Variants in IL1RAPL2 observed in about 807,000 individuals in gnomAD.
IL1RAPL2 encodes interleukin 1 receptor accessory protein like 2, also known as X-linked interleukin-1 receptor accessory protein-like 2.
Under a neutral mutation model 44.1 loss-of-function variants are expected in IL1RAPL2, and 3 were observed. The observed-to-expected ratio is 0.07, with a 90% CI of 0.03 to 0.18. The LOEUF is 0.18. Ranked by LOEUF, IL1RAPL2 falls within the 10% of genes least tolerant of loss-of-function variation. The pLI, the probability that IL1RAPL2 is intolerant of heterozygous loss-of-function variation, is 1.00. For synonymous variants in IL1RAPL2, 181 were observed against 178.8 expected, an observed-to-expected ratio of 1.01 and a Z score of -0.10; for missense variants, 391 against 496.4, an observed-to-expected ratio of 0.79 and a Z score of 2.02.
At chrX:105,451,320 G>A (rs1017860516) in intron 5 of IL1RAPL2, among the ~76,000 whole-genome samples, 27 of 111,048 alleles carry the variant, frequency 2.4e-4, no homozygotes, top group Non-Finnish European at 4.5e-4. Flanking sequence ...CTTTTCTAAT[G>A]GCCTGCTTAG....
At chrX:104,898,513 G>A (rs1923718271) in intron 2 of IL1RAPL2, among the ~76,000 whole-genome samples, 1 of 112,471 alleles carries the variant, frequency 8.9e-6, no homozygotes, top group South Asian at 3.6e-4. Context: ...AAAGGCTGGG[G>A]TTAACCTTTT....
At chrX:104,920,538 TC>T (rs1190342549) in intron 2 of IL1RAPL2, among the ~76,000 whole-genome samples, 1 of 97,951 alleles carries the variant, frequency 1.0e-5, no homozygotes, top group Non-Finnish European at 2.1e-5. Context: ...TCCCCTCCCC[TC>T]TCTTGCTCCT....
chrX:104,986,861 C>T (rs1206577801), intron 2 of IL1RAPL2, among the ~76,000 whole-genome samples: 1 of 112,156 alleles, frequency 8.9e-6, no homozygotes, highest in Non-Finnish European at 1.9e-5. Context: ...TCTTTAAGTC[C>T]TGTCCTGATT....
At chrX:104,644,789 ATC>A (rs887831978) in intron 1 of IL1RAPL2, among the ~76,000 whole-genome samples, 28 of 110,203 alleles carry the variant, frequency 2.5e-4, no homozygotes, top group African/African-American at 7.6e-4. Context: ...TGCTTACCCT[ATC>A]TCTCTCTTTC....
intron 2 of IL1RAPL2, among the ~76,000 whole-genome samples, chrX:104,778,353 C>T (rs1015610215): frequency 1.8e-5 from 2 of 110,690 alleles, no homozygotes; most frequent in African/African-American, 6.6e-5. Flanking sequence ...TCGAGCAGAT[C>T]TCTGATTCAT....
chrX:105,356,556 G>A (rs2035204744), intron 5 of IL1RAPL2, among the ~76,000 whole-genome samples: 1 of 111,583 alleles, frequency 9.0e-6, no homozygotes, highest in Admixed American at 9.6e-5. Flanking sequence ...TAAAAGGTGA[G>A]CAAAACATCA....
intron 5 of IL1RAPL2, among the ~76,000 whole-genome samples, chrX:105,349,410 C>A (rs778254237): frequency 1.8e-5 from 2 of 111,862 alleles, no homozygotes; most frequent in South Asian, 3.7e-4. Flanking sequence ...AAGGCAATTT[C>A]TGGGGAATAT....
intron 2 of IL1RAPL2, among the ~76,000 whole-genome samples, chrX:105,116,503 G>GCTTTGGCTTGTATGGCTTGGCAGCCA (rs772065998): frequency 0.085 from 9,427 of 110,703 alleles, 1,009 homozygotes; most frequent in African/African-American, 0.29. Flanking sequence ...GATTGACATA[G>GCTTTGGCTTGTATGGCTTGGCAGCCA]CAGTGCTCAC....
At chrX:105,020,255 G>T (rs909718218) in intron 2 of IL1RAPL2, among the ~76,000 whole-genome samples, 2 of 111,286 alleles carry the variant, frequency 1.8e-5, no homozygotes, top group African/African-American at 6.5e-5. Flanking sequence ...AAAGAGCTAG[G>T]ATTATAGGCG....
rs759911828 is a variant in IL1RAPL2 at position 104,769,757 on chromosome X, G to A, written c.82+110762G>A. On this transcript the variant is annotated intron_variant, in intron 2 of 10. Transcript: ENST00000372582. ...CACAACTGTGAGTCTGCATTATGAT[G>A]TATGGGCACAATGCTCAGTACCTAG... Among the ~76,000 whole-genome samples, 10 of 111,868 alleles carry A rather than the reference G, an allele frequency of 8.9e-5. No homozygotes were observed. The East Asian group carries it at 1.1e-3, about 13-fold the overall frequency.
intron 5 of IL1RAPL2, among the ~76,000 whole-genome samples, chrX:105,407,543 G>A (rs1262490450): frequency 4.5e-5 from 5 of 111,589 alleles, no homozygotes; most frequent in Non-Finnish European, 7.5e-5. Flanking sequence ...CTTTAGTGAC[G>A]CCTCCCCTCT....
chrX:104,590,660 C>A (rs1569276150), intron 1 of IL1RAPL2, among the ~76,000 whole-genome samples: 1 of 111,813 alleles, frequency 8.9e-6, no homozygotes, highest in Non-Finnish European at 1.9e-5. Flanking sequence ...TACCAGTAAC[C>A]AGAGGTGCTG....
At chrX:105,273,303 C>G (rs2034461631) in intron 5 of IL1RAPL2, among the ~76,000 whole-genome samples, 1 of 110,934 alleles carries the variant, frequency 9.0e-6, no homozygotes, top group Non-Finnish European at 1.9e-5. Flanking sequence ...TTGACCTTTT[C>G]CTGCCCTCCT....
At chrX:104,778,719 T>G (rs1932755145) in intron 2 of IL1RAPL2, among the ~76,000 whole-genome samples, 1 of 109,006 alleles carries the variant, frequency 9.2e-6, no homozygotes, top group Non-Finnish European at 1.9e-5. Flanking sequence ...ATTTGAGATA[T>G]ATATATAATT....
chrX:105,602,643 T>C (rs1174819995), intron 6 of IL1RAPL2, among the ~76,000 whole-genome samples: 1 of 110,144 alleles, frequency 9.1e-6, no homozygotes, highest in African/African-American at 3.3e-5. Context: ...TATACTCAAA[T>C]GTCAAAAATC....
chrX:104,617,227 G>A (rs1200889614), intron 1 of IL1RAPL2, among the ~76,000 whole-genome samples: 1 of 112,065 alleles, frequency 8.9e-6, no homozygotes, highest in African/African-American at 3.2e-5. Flanking sequence ...GGCTTCTGCT[G>A]AGAAGTCTGT....
intron 2 of IL1RAPL2, among the ~76,000 whole-genome samples, chrX:105,154,894 A>G (rs1421353633): frequency 9.0e-6 from 1 of 111,695 alleles, no homozygotes; most frequent in Non-Finnish European, 1.9e-5. Flanking sequence ...AAACAAACTT[A>G]TCACCCTCTT....
intron 2 of IL1RAPL2, among the ~76,000 whole-genome samples, chrX:104,670,642 T>C (rs1168405940): frequency 9.0e-6 from 1 of 110,593 alleles, no homozygotes; most frequent in African/African-American, 3.3e-5. Flanking sequence ...CACGTGCAGG[T>C]TTGTTACCTA....
chrX:105,419,908 A>G lies in IL1RAPL2; in HGVS notation c.698-64405A>G, dbSNP rs772438728. Among the ~76,000 whole-genome samples, 257 of 111,950 alleles carry G rather than the reference A, an allele frequency of 2.3e-3. 1 individual carries two copies. The Middle Eastern group carries it at 0.028, about 12-fold the overall frequency. ...TGAATAATACAAAATGTTATCTGCA[A>G]AAAATTTTTCAGCTTGTTATAAAGT... On this transcript the variant is annotated intron_variant, in intron 5 of 10. Transcript: ENST00000372582.
Sources: allele counts gnomAD v4.1 joint callset (sites outside exome capture counted in the v4.1 genomes callset), GRCh38; gene constraint gnomAD v4.1.1; transcripts MANE v1.5; gene names NCBI Gene and HGNC (gene_info 2026-07-23, HGNC 2026-07-21).